The following KATNBL1 variants were observed in gnomAD, a reference collection of about 807,000 sequenced individuals.
KATNBL1 encodes KATNB1-like protein 1.
KATNBL1 carries 28 observed loss-of-function variants against 44.7 expected under a neutral mutation model. That is an observed-to-expected ratio of 0.63 (90% CI 0.46 to 0.86). KATNBL1 has a LOEUF of 0.86. KATNBL1 is among the 40% of genes least tolerant of loss of function. The probability of loss-of-function intolerance (pLI) is 0.00; values close to 1 mark genes in which losing one functional copy is unlikely to be tolerated. For synonymous variants in KATNBL1, 78 were observed against 114.9 expected, an observed-to-expected ratio of 0.68 and a Z score of 2.06; for missense variants, 272 against 350.7, an observed-to-expected ratio of 0.78 and a Z score of 1.79.
At chr15:34,181,853 G>GTCTATATATATA (rs1889571240) in intron 1 of KATNBL1, among the ~76,000 whole-genome samples, 2 of 75,014 alleles carry the variant, frequency 2.7e-5, no homozygotes, top group Non-Finnish European at 5.0e-5. Flanking sequence ...CATATATATA[G>GTCTATATATATA]TCCATATATA....
intron 1 of KATNBL1, among the ~76,000 whole-genome samples, chr15:34,190,528 A>G (rs1291840071): frequency 1.3e-5 from 2 of 152,222 alleles, no homozygotes; most frequent in African/African-American, 4.8e-5. Flanking sequence ...TGTATACTCA[A>G]AATTCAGAAT....
In KATNBL1 at chr15:34,148,766, C is replaced by T. The variant is rs761769269; in HGVS notation, c.439-16G>A. ...CCTGAGAAACCTGAAAGGCAATAAT[C>T]TGATTTGTTAAAAAGCACACTGAAA... On this transcript the variant is annotated splice_polypyrimidine_tract_variant and intron_variant, in intron 4 of 9. Coordinates refer to ENST00000256544, the MANE Select transcript of KATNBL1 (RefSeq NM_024713.3). 6 of 1,431,788 alleles carry T rather than the reference C, an allele frequency of 4.2e-6. No individual in the cohort carries two copies. The highest frequency in any genetic ancestry group is 5.9e-6 in the Non-Finnish European group (6 of 1,014,988). The allele number at this position is 1,431,788 out of a possible 1,614,324, so 88.7% of individuals were successfully genotyped here.
chr15:34,180,970 C>A (rs1467705077), intron 1 of KATNBL1, among the ~76,000 whole-genome samples: 1 of 152,178 alleles, frequency 6.6e-6, no homozygotes, highest in African/African-American at 2.4e-5. Flanking sequence ...TTCAGATCTT[C>A]CTTCTTCCAC....
At chr15:34,207,184 C>T (rs542573491) in intron 1 of KATNBL1, among the ~76,000 whole-genome samples, 12 of 152,044 alleles carry the variant, frequency 7.9e-5, no homozygotes, top group South Asian at 2.1e-4. Flanking sequence ...TGACTACAGG[C>T]GCATGCCACT....
intron 9 of KATNBL1, 110 bp downstream of exon 9, chr15:34,145,288 A>G (rs1888274094): frequency 2.1e-6 from 3 of 1,416,664 alleles, no homozygotes; most frequent in Middle Eastern, 1.9e-4. Flanking sequence ...GACTTTAGAC[A>G]TTAGAACAGT....
At chr15:34,170,865 G>T (rs1477166190) in intron 1 of KATNBL1, among the ~76,000 whole-genome samples, 1 of 152,182 alleles carries the variant, frequency 6.6e-6, no homozygotes, top group Non-Finnish European at 1.5e-5. Context: ...ACGGTGCTGG[G>T]AAAACTGGCT....
intron 1 of KATNBL1, among the ~76,000 whole-genome samples, chr15:34,193,589 T>C (rs1383536191): frequency 2.0e-5 from 3 of 152,142 alleles, no homozygotes; most frequent in East Asian, 1.9e-4. Context: ...TGATAACTCA[T>C]TCCTGTAATC....
chr15:34,181,118 T>C (rs973239181), intron 1 of KATNBL1, among the ~76,000 whole-genome samples: 1 of 152,154 alleles, frequency 6.6e-6, no homozygotes, highest in African/African-American at 2.4e-5. Context: ...AAAATACTAC[T>C]ACAGAATTTC....
intron 1 of KATNBL1, among the ~76,000 whole-genome samples, chr15:34,196,682 T>C (rs1490462250): frequency 6.6e-6 from 1 of 152,130 alleles, no homozygotes; most frequent in Admixed American, 6.5e-5. Flanking sequence ...GAGCTGAGAT[T>C]GCACCACTGC....
At chr15:34,159,010 G>T (rs1320472816) in intron 2 of KATNBL1, among the ~76,000 whole-genome samples, 2 of 152,184 alleles carry the variant, frequency 1.3e-5, no homozygotes, top group Non-Finnish European at 2.9e-5. Context: ...AGTGGTTAGT[G>T]TTAAATCAAC....
intron 1 of KATNBL1, among the ~76,000 whole-genome samples, chr15:34,204,368 A>T (rs907310922): frequency 2.2e-4 from 34 of 152,186 alleles, no homozygotes; most frequent in African/African-American, 7.2e-4. Flanking sequence ...CTAGATATAC[A>T]TATTTAATTC....
Position 34,151,436 on chromosome 15 carries a change from C to CTT in KATNBL1, c.438+1352_438+1353dup, listed in dbSNP as rs58824450. ...AAGTGTCTATTGTGTCCTTTGCCTA[C>CTT]TTTTTTTTTTTTTTTTTTTTTTTTT... On this transcript the variant is annotated intron_variant, in intron 4 of 9. Coordinates refer to ENST00000256544, the MANE Select transcript of KATNBL1 (RefSeq NM_024713.3). 1.6e-3 allele frequency among the ~76,000 whole-genome samples: 95 copies of CTT among 60,698 alleles called. 11 individuals are homozygous for CTT. Among genetic ancestry groups the CTT allele is most frequent in the African/African-American group, 3.3e-3 (49 of 14,926 alleles). 39.8% of individuals were successfully genotyped at this position (60,698 alleles called of 152,430 possible). A position where few individuals can be genotyped will look rare whatever the true frequency, so the allele number is the denominator to read the frequency against.
chr15:34,198,503 G>GA (rs1890084272), intron 1 of KATNBL1, among the ~76,000 whole-genome samples: 1 of 152,252 alleles, frequency 6.6e-6, no homozygotes, highest in Admixed American at 6.5e-5. Context: ...TCATTTTACA[G>GA]AAAGTAACAG....
chr15:34,166,489 C>T (rs750698781), intron 1 of KATNBL1, among the ~76,000 whole-genome samples: 1 of 152,250 alleles, frequency 6.6e-6, no homozygotes, highest in Non-Finnish European at 1.5e-5. Context: ...CTGCCTCTAA[C>T]ACTCCACCTC....
rs985888775 is a variant in KATNBL1 at position 34,142,963 on chromosome 15, G to A, written c.883-592C>T. On this transcript the variant is annotated intron_variant, in intron 9 of 9. Coordinates refer to ENST00000256544, the MANE Select transcript of KATNBL1 (RefSeq NM_024713.3). ...CTGAGCTCGTGATCTGCCCACCTTG[G>A]CCTCCCAAAGTACTGGGATTACAGG... 11 of 671,054 alleles carry A rather than the reference G, an allele frequency of 1.6e-5. No individual in the cohort carries two copies. In the African/African-American group the frequency reaches 2.1e-4, roughly 13 times the overall value. The allele number at this position is 671,054 out of a possible 1,614,324, so 41.6% of individuals were successfully genotyped here.
intron 1 of KATNBL1, among the ~76,000 whole-genome samples, chr15:34,188,137 T>TTAAAAAAAAAAAAAA (rs1889768867): frequency 4.5e-5 from 1 of 22,084 alleles, no homozygotes; most frequent in African/African-American, 1.5e-4. Flanking sequence ...AGACGCCATG[T>TTAAAAAAAAAAAAAA]AAAAAAAAAA....
chr15:34,141,399 A>T lies in KATNBL1; in HGVS notation c.*940T>A, dbSNP rs768747135. 1 of 152,654 alleles carries T rather than the reference A, an allele frequency of 6.6e-6. No individual in the cohort carries two copies. The highest frequency in any genetic ancestry group is 1.5e-5 in the Non-Finnish European group (1 of 68,014). The allele number at this position is 152,654 out of a possible 1,614,324, so 9.5% of individuals were successfully genotyped here. A position where few individuals can be genotyped will look rare whatever the true frequency, so the allele number is the denominator to read the frequency against. The stretch of plus-strand genomic sequence containing the variant: ...ATCAGAATTTAAAAAAGCAAAAAAT[A>T]GAAATATTTAGTGAATTTACTCAAA... On this transcript the variant is annotated 3_prime_UTR_variant, in exon 10 of 10. Coordinates refer to ENST00000256544, the MANE Select transcript of KATNBL1 (RefSeq NM_024713.3).
At chr15:34,166,294 T>C (rs1045662757) in intron 1 of KATNBL1, among the ~76,000 whole-genome samples, 3 of 152,268 alleles carry the variant, frequency 2.0e-5, no homozygotes, top group Admixed American at 6.5e-5. Flanking sequence ...ATCCTATGCC[T>C]GGCTCGGCAG....
At chr15:34,147,079 T>G (rs1888331234) in intron 7 of KATNBL1, 121 bp downstream of exon 7, 1 of 667,158 alleles carries the variant, frequency 1.5e-6, no homozygotes, top group East Asian at 2.7e-5. Context: ...ATTGTACTAT[T>G]AGCTTCTTGA....
Sources: gnomAD v4.1 joint callset for allele counts (sites outside exome capture counted in the v4.1 genomes callset) on GRCh38, gnomAD v4.1.1 for gene constraint, MANE v1.5 for transcripts, NCBI Gene and HGNC (gene_info 2026-07-23, HGNC 2026-07-21) for gene names.